The following POLD3 variants were observed in gnomAD, a reference collection of about 807,000 sequenced individuals.
POLD3 encodes the protein DNA polymerase delta 3, accessory subunit.
Under a neutral mutation model 58.2 loss-of-function variants are expected in POLD3, and 19 were observed. The ratio of observed to expected loss-of-function variants is 0.33; its 90% confidence interval spans 0.23 to 0.48. POLD3 has a LOEUF of 0.48. Among genes scored for constraint, POLD3 ranks in the 20% least tolerant of loss-of-function variants. The probability of loss-of-function intolerance (pLI) is 0.99; values close to 1 mark genes in which losing one functional copy is unlikely to be tolerated. For synonymous variants in POLD3, 172 were observed against 193.5 expected (o/e 0.89, Z 0.92); for missense variants, 504 against 545.5 (o/e 0.92, Z 0.76).
At chr11:74,594,906 T>C (rs2031173763) in intron 2 of POLD3, among the ~76,000 whole-genome samples, 1 of 152,214 alleles carries the variant, frequency 6.6e-6, no homozygotes. Context: ...CATAATTCAG[T>C]TATCTCCACC....
rs1227959905 is a variant in POLD3, at chr11:74,609,345, G to GATATATATAT, written c.220-2135_220-2126dup. On this transcript the variant is annotated intron_variant, in intron 3 of 11. Transcript: ENST00000263681. ...TTTGCCTTCTCCTTCCATTGTTTTT[G>GATATATATAT]ATATATATATATATATATATATATA... 1.2e-3 allele frequency among the ~76,000 whole-genome samples: 51 copies of GATATATATAT among 42,622 alleles called. 1 individual carries two copies. Among genetic ancestry groups the GATATATATAT allele is most frequent in the Middle Eastern group, 0.015 (1 of 68 alleles). The allele number at this position is 42,622 out of a possible 152,430, so 28.0% of individuals were successfully genotyped here.
At chr11:74,611,563 G>C (rs1002684944) in intron 4 of POLD3, 25 bp downstream of exon 4, 40 of 1,423,122 alleles carry the variant, frequency 2.8e-5, no homozygotes, top group Non-Finnish European at 3.7e-5. Context: ...GACTTAGCAA[G>C]TTTTTCCTCT....
intron 5 of POLD3, 74 bp from the exon 6 acceptor site, chr11:74,618,463 T>G: frequency 9.2e-7 from 1 of 1,085,462 alleles, no homozygotes; most frequent in Non-Finnish European, 1.3e-6. Flanking sequence ...CATTAGTTTT[T>G]TTTTTCTTTT....
chr11:74,594,973 A>T (rs922089058), intron 2 of POLD3, among the ~76,000 whole-genome samples: 1 of 152,182 alleles, frequency 6.6e-6, no homozygotes. Context: ...TTGGGTGGGG[A>T]CACAGCCAAA....
At chr11:74,627,596 C>G (rs1313695435) in intron 8 of POLD3, among the ~76,000 whole-genome samples, 3 of 152,194 alleles carry the variant, frequency 2.0e-5, no homozygotes, top group Non-Finnish European at 4.4e-5. Context: ...GCCAGAGCAA[C>G]TTTCAGTACT....
At chr11:74,613,686 T>C (rs1163678686) in intron 5 of POLD3, among the ~76,000 whole-genome samples, 3 of 152,200 alleles carry the variant, frequency 2.0e-5, no homozygotes, top group Non-Finnish European at 4.4e-5. Context: ...CACCTACTAC[T>C]TTGACAGGTA....
At chr11:74,629,005 G>A in intron 8 of POLD3, 1 of 382,168 alleles carries the variant, frequency 2.6e-6, no homozygotes, top group South Asian at 7.1e-5. Context: ...GAGAACTCTA[G>A]AACTTTTTTA....
At chr11:74,614,354 T>C (rs1057512548) in intron 5 of POLD3, among the ~76,000 whole-genome samples, 13 of 152,186 alleles carry the variant, frequency 8.5e-5, no homozygotes, top group African/African-American at 3.1e-4. Flanking sequence ...GACAGTTTTC[T>C]AATGTGAAGT....
intron 4 of POLD3, among the ~76,000 whole-genome samples, chr11:74,655,155 G>A (rs1354533357): frequency 2.0e-5 from 3 of 152,262 alleles, no homozygotes; most frequent in Non-Finnish European, 4.4e-5. Flanking sequence ...ATTGTGGAAA[G>A]TAGAAGTCTT....
intron 3 of POLD3, among the ~76,000 whole-genome samples, chr11:74,610,959 G>A (rs1006873586): frequency 6.6e-6 from 1 of 152,056 alleles, no homozygotes; most frequent in Non-Finnish European, 1.5e-5. Flanking sequence ...GTTTTTAGTA[G>A]AGACAGGGTC....
At position 74,641,805 on chromosome 11, in the gene POLD3, T is replaced by C. The variant is rs962122182; in HGVS notation, c.*1039T>C. ...GATGTTGCTCCTTTGTATTTTTAGCTTCCCTATTTGCTTAAAAGTACAGGC... is the reference window on the plus strand; with the variant it reads ...GATGTTGCTCCTTTGTATTTTTAGCCTCCCTATTTGCTTAAAAGTACAGGC... On this transcript the variant is annotated 3_prime_UTR_variant, in exon 12 of 12. Transcript: ENST00000263681. The C allele has an allele frequency of 8.3e-5, 82 of 984,818 alleles. No individual in the cohort carries two copies. Among genetic ancestry groups the C allele is most frequent in the Non-Finnish European group, 9.4e-5 (78 of 829,490 alleles). 61.0% of individuals were successfully genotyped at this position (984,818 alleles called of 1,614,324 possible). A position where few individuals can be genotyped will look rare whatever the true frequency, so the allele number is the denominator to read the frequency against.
Position 74,640,630 on chromosome 11 carries a change from C to T in POLD3, c.1265C>T (p.Ser422Phe), listed in dbSNP as rs752521882. 9.9e-6 allele frequency: 16 copies of T among 1,608,504 alleles called. No individual in the cohort carries two copies. In the Middle Eastern group the frequency reaches 6.6e-4, roughly 66 times the overall value. Reference sequence around the variant, plus strand: ...GAAGAGGAGCTTAACATGAAGACATCCTCAGTACACAGACCCCCTGCCATG... The same window carrying T: ...GAAGAGGAGCTTAACATGAAGACATTCTCAGTACACAGACCCCCTGCCATG... ...DSEEELNMKT[S>F]SVHRPPAMTV... Residue 422 changes from serine (S) to phenylalanine (F), a missense_variant, in exon 12 of 12, where the codon TCC becomes TTC. Coordinates refer to ENST00000263681, the MANE Select transcript of POLD3 (RefSeq NM_006591.3).
chr11:74,616,489 C>T (rs186521407), intron 5 of POLD3, among the ~76,000 whole-genome samples: 8 of 152,308 alleles, frequency 5.3e-5, no homozygotes, highest in African/African-American at 1.4e-4. Context: ...GTGTAGAATT[C>T]AGACCAGAGG....
intron 7 of POLD3, among the ~76,000 whole-genome samples, chr11:74,624,279 GAAC>G (rs942854678): frequency 1.3e-5 from 2 of 152,120 alleles, no homozygotes; most frequent in Non-Finnish European, 2.9e-5. Flanking sequence ...TGATACTTGA[GAAC>G]AACAGTTGAA....
intron 4 of POLD3, among the ~76,000 whole-genome samples, chr11:74,662,895 T>C (rs11236200): frequency 0.4 from 60,550 of 152,058 alleles, 13,708 homozygotes; most frequent in Non-Finnish European, 0.51. Context: ...ATGGCTGGTC[T>C]AAGTGCTCCT....
chr11:74,622,501 A>G (rs1021031977), intron 7 of POLD3, among the ~76,000 whole-genome samples: 7 of 152,198 alleles, frequency 4.6e-5, no homozygotes, highest in African/African-American at 1.4e-4. Flanking sequence ...TTAAATATTA[A>G]TCTAAAAATT....
chr11:74,644,658 C>T (rs1047873240), downstream of POLD3, among the ~76,000 whole-genome samples: 1 of 152,194 alleles, frequency 6.6e-6, no homozygotes, highest in Non-Finnish European at 1.5e-5. Context: ...TCCATTGGAT[C>T]AGAATCCACC....
chr11:74,622,292 C>G (rs979793535), intron 7 of POLD3, among the ~76,000 whole-genome samples: 1 of 151,890 alleles, frequency 6.6e-6, no homozygotes, highest in Non-Finnish European at 1.5e-5. Flanking sequence ...TGGCTTGGTT[C>G]CAAGTCTTTG....
chr11:74,638,099 G>A (rs2032803602), intron 11 of POLD3, among the ~76,000 whole-genome samples: 1 of 152,108 alleles, frequency 6.6e-6, no homozygotes, highest in African/African-American at 2.4e-5. Context: ...CAGTTAAGTG[G>A]AAAAGAAATC....
Sources: allele counts gnomAD v4.1 joint callset (sites outside exome capture counted in the v4.1 genomes callset), GRCh38; gene constraint gnomAD v4.1.1; transcripts MANE v1.5; gene names NCBI Gene and HGNC (gene_info 2026-07-23, HGNC 2026-07-21).